PPP1R14B: variants seen among roughly 807,000 people sequenced by gnomAD.
The protein encoded by PPP1R14B is protein phosphatase 1 regulatory inhibitor subunit 14B, also known as protein phosphatase 1 regulatory subunit 14B.
In PPP1R14B, 4 loss-of-function variants were observed where a neutral mutation model predicts 14.7. The observed-to-expected ratio is 0.27, with a 90% CI of 0.13 to 0.62. The LOEUF (loss-of-function observed/expected upper bound fraction) is 0.62. Ranked by LOEUF, PPP1R14B falls within the 20% of genes least tolerant of loss-of-function variation. The pLI, the probability that PPP1R14B is intolerant of heterozygous loss-of-function variation, is 0.85. For missense variants in PPP1R14B, 138 were observed against 201.5 expected, an observed-to-expected ratio of 0.68 and a Z score of 1.91; for synonymous variants, 76 against 87.3, an observed-to-expected ratio of 0.87 and a Z score of 0.72.
At chr11:64,246,332 A>G (rs2030877186) in intron 1 of PPP1R14B, 84 bp downstream of exon 1, 5 of 1,523,072 alleles carry the variant, frequency 3.3e-6, no homozygotes, top group Non-Finnish European at 4.4e-6. Flanking sequence ...CTTTGACTCC[A>G]GTGACAGGCG....
intron 1 of PPP1R14B, chr11:64,245,648 C>T (rs2030849497): frequency 4.4e-6 from 1 of 227,406 alleles, no homozygotes; most frequent in Non-Finnish European, 8.6e-6. Context: ...CTTATCATAC[C>T]CCCCTCCCCT....
At chr11:64,245,308 G>A (rs755851622) in intron 1 of PPP1R14B, 21 bp from the exon 2 acceptor site, 10 of 1,076,422 alleles carry the variant, frequency 9.3e-6, no homozygotes, top group Non-Finnish European at 1.4e-5. Context: ...GGTGGGGGAG[G>A]AGGGAGAGAC....
intron 1 of PPP1R14B, 185 bp from the exon 2 acceptor site, chr11:64,245,472 C>A (rs1009695855): frequency 9.9e-6 from 2 of 202,702 alleles, no homozygotes; most frequent in African/African-American, 1.5e-4. Flanking sequence ...CTGCCCAAAG[C>A]GGGGTGGGGG....
At chr11:64,245,120 A>AGCTGGGGCTTGAGGG in intron 2 of PPP1R14B, 84 bp downstream of exon 2, 1 of 1,514,132 alleles carries the variant, frequency 6.6e-7, no homozygotes, top group Non-Finnish European at 9.0e-7. Flanking sequence ...TTGAGGCAGG[A>AGCTGGGGCTTGAGGG]GCTGGGGCTT....
chr11:64,246,589 A>T lies in PPP1R14B; in HGVS notation c.85T>A (p.Tyr29Asn). The T allele has an allele frequency of 6.3e-7, 1 of 1,595,948 alleles. No individual in the cohort carries two copies. Among genetic ancestry groups the T allele is most frequent in the African/African-American group, 1.3e-5 (1 of 74,416 alleles). The change falls in exon 1 of 4, where the codon TAC (tyrosine) becomes AAC (asparagine). Residue 29 changes from tyrosine (Y) to asparagine (N), a missense_variant. Transcript: ENST00000309318. ...GCGGCCCCGGGGGGGCTCTGAAAGT[A>T]GACGCGTGGTCCTGGGCCGCCACTG... is the stretch of plus-strand genomic sequence containing the variant. The part of the protein sequence containing the change: ...PGSGGPGPRV[Y>N]FQSPPGAAGE...
In PPP1R14B at chr11:64,245,222, G is replaced by T. The variant is rs1165900813; in HGVS notation, c.324C>A (p.Ala108=). The T allele has an allele frequency of 1.9e-6, 3 of 1,613,434 alleles. No individual in the cohort carries two copies. The highest frequency in any genetic ancestry group is 2.5e-6 in the Non-Finnish European group (3 of 1,179,654). Residue 108 remains alanine (A), a synonymous_variant, in exon 2 of 4, where the codon GCC becomes GCA. Transcript: ENST00000309318. ...DELLDMESDD[A]RAARVKELLV... is the part of the protein sequence containing the mutation. ...CCCTCACCTTGACCCTGGCAGCCCG[G>T]GCATCGTCACTCTCCATGTCCAGGA...
In PPP1R14B at chr11:64,246,652, C is replaced by T. The variant is rs780729087; in HGVS notation, c.22G>A (p.Gly8Arg). 2 of 1,228,566 alleles carry T rather than the reference C, an allele frequency of 1.6e-6. No individual in the cohort carries two copies. Among genetic ancestry groups the T allele is most frequent in the South Asian group, 3.8e-5 (1 of 26,498 alleles). 76.1% of individuals were successfully genotyped at this position (1,228,566 alleles called of 1,614,324 possible). A position where few individuals can be genotyped will look rare whatever the true frequency, so the allele number is the denominator to read the frequency against. Residue 8 changes from glycine (G) to arginine (R), a missense_variant, in exon 1 of 4, where the codon GGG (glycine) becomes AGG (arginine). Gly to Arg is a moderately radical substitution (Grantham distance 125, BLOSUM62 -2). Around this residue, in one of 3 missense-constraint regions of PPP1R14B, gnomAD observed 22 missense variants for 45.9 expected, o/e 0.48. Transcript: ENST00000309318. MADSGTAGGAALAAPAPG... is the reference protein window; with the variant it reads MADSGTARGAALAAPAPG... ...GCCGGGGCCGCCAACGCCGCGCCCC[C>T]CGCGGTGCCGCTGTCCGCCATGGCG...
intron 1 of PPP1R14B, 119 bp downstream of exon 1, chr11:64,246,297 G>A: frequency 1.4e-6 from 2 of 1,379,804 alleles, no homozygotes; most frequent in Admixed American, 2.1e-5. Flanking sequence ...AGAGGGGAGG[G>A]GAGCGCGCGG....
At position 64,244,743 on chromosome 11, in the gene PPP1R14B, G is replaced by A; in HGVS notation, c.*11C>T. ...CCTGTGGGAGCCACCGTTCTCCTGGGTCGGGGACCGTCACTTCTTCTGGGG... is the reference window on the plus strand; with the variant it reads ...CCTGTGGGAGCCACCGTTCTCCTGGATCGGGGACCGTCACTTCTTCTGGGG... On this transcript the variant is annotated 3_prime_UTR_variant, in exon 4 of 4. Transcript: ENST00000309318. 1.9e-6 allele frequency: 3 copies of A among 1,612,378 alleles called. No individual in the cohort carries two copies. The highest frequency in any genetic ancestry group is 1.7e-6 in the Non-Finnish European group (2 of 1,179,288).
At chr11:64,245,350 G>A (rs908909801) in intron 1 of PPP1R14B, 63 bp from the exon 2 acceptor site, 13 of 1,456,720 alleles carry the variant, frequency 8.9e-6, no homozygotes, top group African/African-American at 2.8e-5. Flanking sequence ...GGTGTGAGAG[G>A]GGCTCTGGGT....
chr11:64,245,423 T>G, intron 1 of PPP1R14B, 136 bp from the exon 2 acceptor site: 1 of 598,938 alleles, frequency 1.7e-6, no homozygotes, highest in Non-Finnish European at 2.8e-6. Flanking sequence ...CAGCAGCTGC[T>G]CTGGGGAGGA....
chr11:64,245,157 T>A, intron 2 of PPP1R14B, 47 bp downstream of exon 2: 1 of 1,592,408 alleles, frequency 6.3e-7, no homozygotes, highest in South Asian at 1.1e-5. Flanking sequence ...AGCCTCACTT[T>A]CCCGGGGCAG....
chr11:64,245,193 A>G lies in PPP1R14B; in HGVS notation c.342+11T>C, dbSNP rs377590489. ...TGCCTCAGGCAACCCATCGCCCCCC[A>G]GCCCCCTCACCTTGACCCTGGCAGC... On this transcript the variant is annotated intron_variant, in intron 2 of 3. Transcript: ENST00000309318. 4 of 1,611,636 alleles carry G rather than the reference A, an allele frequency of 2.5e-6. No homozygotes were observed. The African/African-American group carries it at 5.3e-5, about 22-fold the overall frequency.
chr11:64,246,229 AGAAG>A, intron 1 of PPP1R14B, 183 bp downstream of exon 1: 1 of 756,268 alleles, frequency 1.3e-6, no homozygotes, highest in Admixed American at 2.9e-5. Flanking sequence ...GAGGCAACGG[AGAAG>A]GCAGAAGTGA....
Position 64,244,568 on chromosome 11 carries a change from A to G in PPP1R14B, c.*186T>C. ...ACACAAAAAGTCCCATCAGTTTAAT[A>G]ACAATAAAAAACCCCAAAAGTGGAA... On this transcript the variant is annotated 3_prime_UTR_variant, in exon 4 of 4. Transcript: ENST00000309318. 2 of 1,373,684 alleles carry G rather than the reference A, an allele frequency of 1.5e-6. No individual in the cohort carries two copies. Among genetic ancestry groups the G allele is most frequent in the Non-Finnish European group, 1.9e-6 (2 of 1,028,416 alleles). 85.1% of individuals were successfully genotyped at this position (1,373,684 alleles called of 1,614,324 possible).
chr11:64,245,465 C>G, intron 1 of PPP1R14B, 178 bp from the exon 2 acceptor site: 1 of 350,248 alleles, frequency 2.9e-6, no homozygotes, highest in African/African-American at 3.7e-5. Context: ...AGGCAAACTG[C>G]CCAAAGCGGG....
chr11:64,246,681 G>A lies in PPP1R14B; in HGVS notation c.-8C>T, dbSNP rs1251072594. On this transcript the variant is annotated 5_prime_UTR_variant, in exon 1 of 4. Transcript: ENST00000309318. ...GGTGCCGCTGTCCGCCATGGCGGCCGCCGGGGCCACGTGCGAGCGTCGGGC... is the reference window on the plus strand; with the variant it reads ...GGTGCCGCTGTCCGCCATGGCGGCCACCGGGGCCACGTGCGAGCGTCGGGC... The A allele has an allele frequency of 7.1e-6, 8 of 1,129,254 alleles. No homozygotes were observed. The highest frequency in any genetic ancestry group is 1.0e-4 in the Admixed American group (2 of 20,060). The allele number at this position is 1,129,254 out of a possible 1,614,324, so 70.0% of individuals were successfully genotyped here.
intron 1 of PPP1R14B, chr11:64,246,040 T>C (rs958268433): frequency 5.2e-5 from 11 of 212,784 alleles, no homozygotes; most frequent in Non-Finnish European, 1.0e-4. Flanking sequence ...GCAGCCGTCC[T>C]ACCAGACCAG....
Position 64,246,896 on chromosome 11 carries a change from C to T in PPP1R14B, c.-223G>A, listed in dbSNP as rs2030902630. 1 of 183,680 alleles carries T rather than the reference C, an allele frequency of 5.4e-6. No homozygotes were observed. The highest frequency in any genetic ancestry group is 2.4e-5 in the African/African-American group (1 of 41,820). The allele number at this position is 183,680 out of a possible 1,614,324, so 11.4% of individuals were successfully genotyped here. A position where few individuals can be genotyped will look rare whatever the true frequency, so the allele number is the denominator to read the frequency against. On this transcript the variant is annotated 5_prime_UTR_variant, in exon 1 of 4. Transcript: ENST00000309318. ...CGCCGATCCGCCCGCCCTTTGTCCC[C>T]CGCGGCCGCCGCCCGAGCTGCAGCC...
Sources: allele counts gnomAD v4.1 joint callset, GRCh38; gene constraint gnomAD v4.1.1; regional missense constraint gnomAD v4.1.1; transcripts MANE v1.5; gene names NCBI Gene and HGNC (gene_info 2026-07-23, HGNC 2026-07-21).